PPP1R1C: variants seen among roughly 807,000 people sequenced by gnomAD.
The protein encoded by PPP1R1C is protein phosphatase 1 regulatory subunit 1C.
PPP1R1C carries 15 observed loss-of-function variants against 17.4 expected under a neutral mutation model. That is an observed-to-expected ratio of 0.86 (90% confidence interval 0.58 to 1.33). PPP1R1C has a LOEUF of 1.33. Among genes scored for constraint, PPP1R1C ranks in the 40% most tolerant of loss-of-function variants. The pLI, the probability that PPP1R1C is intolerant of heterozygous loss-of-function variation, is 0.00. For missense variants in PPP1R1C, 143 were observed against 130.0 expected, an observed-to-expected ratio of 1.10 and a Z score of -0.48; for synonymous variants, 35 against 43.1, an observed-to-expected ratio of 0.81 and a Z score of 0.73.
intron 2 of PPP1R1C, among the ~76,000 whole-genome samples, chr2:182,031,811 A>G (rs1208933078): frequency 1.3e-5 from 2 of 152,202 alleles, no homozygotes; most frequent in South Asian, 4.1e-4. Context: ...GAGTAATTCT[A>G]CTACTTAGCC....
chr2:182,051,733 A>G (rs1033783161), intron 2 of PPP1R1C, among the ~76,000 whole-genome samples: 1 of 152,180 alleles, frequency 6.6e-6, no homozygotes, highest in South Asian at 2.1e-4. Context: ...TGACCTCTCT[A>G]TGTTTATTCC....
intron 2 of PPP1R1C, among the ~76,000 whole-genome samples, chr2:182,033,849 C>G (rs948005595): frequency 1.3e-5 from 2 of 152,156 alleles, no homozygotes; most frequent in South Asian, 2.1e-4. Flanking sequence ...CTCATCCTTA[C>G]GCTAAATCGC....
intron 4 of PPP1R1C, among the ~76,000 whole-genome samples, chr2:182,108,672 T>A (rs1689326470): frequency 6.6e-6 from 1 of 152,216 alleles, no homozygotes; most frequent in South Asian, 2.1e-4. Context: ...CCCATCTTAG[T>A]TAATGATTAT....
chr2:182,057,106 T>A (rs1668229923), intron 2 of PPP1R1C, among the ~76,000 whole-genome samples: 1 of 152,198 alleles, frequency 6.6e-6, no homozygotes, highest in African/African-American at 2.4e-5. Flanking sequence ...ATGGTCTGGT[T>A]TTATGAAACA....
chr2:182,068,474 T>G (rs548717359), intron 4 of PPP1R1C, among the ~76,000 whole-genome samples: 1 of 152,182 alleles, frequency 6.6e-6, no homozygotes, highest in African/African-American at 2.4e-5. Flanking sequence ...AAAAGTCGGG[T>G]TTAAGATGCC....
chr2:182,014,221 T>C (rs1373216439), intron 2 of PPP1R1C, among the ~76,000 whole-genome samples: 1 of 152,204 alleles, frequency 6.6e-6, no homozygotes, highest in Non-Finnish European at 1.5e-5. Context: ...AGTGTTGTTA[T>C]CTACCTGGTC....
chr2:181,965,122 T>C (rs1261618028), intron 1 of PPP1R1C, among the ~76,000 whole-genome samples: 1 of 152,270 alleles, frequency 6.6e-6, no homozygotes, highest in Non-Finnish European at 1.5e-5. Context: ...ATTCAGATCT[T>C]TTCTCCATTT....
At chr2:182,045,838 T>C (rs1470616840) in intron 2 of PPP1R1C, among the ~76,000 whole-genome samples, 1 of 152,150 alleles carries the variant, frequency 6.6e-6, no homozygotes, top group Non-Finnish European at 1.5e-5. Context: ...TGAGCAATTC[T>C]GTGATTTGGC....
intron 2 of PPP1R1C, among the ~76,000 whole-genome samples, chr2:182,022,110 A>C (rs1686446007): frequency 6.6e-6 from 1 of 152,246 alleles, no homozygotes; most frequent in Non-Finnish European, 1.5e-5. Context: ...ATTAGTACCT[A>C]GTGTTTACTT....
At chr2:182,130,204 G>A (rs1483068377), downstream of PPP1R1C, 1 of 151,988 alleles carries the variant, frequency 6.6e-6, no homozygotes, top group Non-Finnish European at 1.5e-5. Context: ...TTCACAAATT[G>A]TTCATTATTA....
At chr2:182,072,880 G>A (rs1004809472) in intron 4 of PPP1R1C, among the ~76,000 whole-genome samples, 4 of 152,126 alleles carry the variant, frequency 2.6e-5, no homozygotes, top group African/African-American at 9.7e-5. Flanking sequence ...CCAGACAGCT[G>A]ACCACACAAA....
intron 2 of PPP1R1C, among the ~76,000 whole-genome samples, chr2:182,011,331 G>A (rs183173513): frequency 6.6e-6 from 1 of 151,920 alleles, no homozygotes; most frequent in East Asian, 1.9e-4. Context: ...ATTTCTTCAG[G>A]ACTCTATTTT....
upstream of PPP1R1C, among the ~76,000 whole-genome samples, chr2:181,981,444 G>T (rs1685192983): frequency 6.6e-6 from 1 of 152,158 alleles, no homozygotes; most frequent in Non-Finnish European, 1.5e-5. Context: ...AAATTGCATG[G>T]TTGAACTTAT....
chr2:181,972,650 C>T (rs545282727), intron 1 of PPP1R1C, among the ~76,000 whole-genome samples: 1 of 152,184 alleles, frequency 6.6e-6, no homozygotes, highest in East Asian at 1.9e-4. Flanking sequence ...TGAGTCACTA[C>T]AAGTGACCAT....
intron 4 of PPP1R1C, among the ~76,000 whole-genome samples, chr2:182,096,446 G>A (rs1470169370): frequency 5.3e-5 from 8 of 150,016 alleles, no homozygotes; most frequent in African/African-American, 1.8e-4. Context: ...TTCTGAGTCC[G>A]TACACGGCTT....
chr2:182,128,510 A>G lies in PPP1R1C; in HGVS notation c.*7-464A>G, dbSNP rs1240806939. Among the ~76,000 whole-genome samples, 3 of 152,166 alleles carry G rather than the reference A, an allele frequency of 2.0e-5. 1 individual carries two copies. The highest frequency in any genetic ancestry group is 1.9e-4 in the East Asian group (1 of 5,202). ...GTAAAGGAAAAAAGAAGAGATGAGA[A>G]TAGACAGAAAGCAGCAGTATTATGA... is the stretch of plus-strand genomic sequence containing the variant. On this transcript the variant is annotated intron_variant, in intron 5 of 5. Coordinates refer to the PPP1R1C transcript ENST00000280295.
chr2:182,038,788 G>T (rs1687093245), intron 2 of PPP1R1C, among the ~76,000 whole-genome samples: 1 of 152,226 alleles, frequency 6.6e-6, no homozygotes, highest in Non-Finnish European at 1.5e-5. Flanking sequence ...CCCTCATCAG[G>T]AATGTAGTGC....
At chr2:182,123,952 G>A (rs761179301) in intron 5 of PPP1R1C, among the ~76,000 whole-genome samples, 1 of 152,124 alleles carries the variant, frequency 6.6e-6, no homozygotes, top group Non-Finnish European at 1.5e-5. Context: ...GAATGGTATT[G>A]CCTAGGTTTT....
intron 5 of PPP1R1C, chr2:182,128,909 A>G (rs1689940030): frequency 6.6e-6 from 1 of 152,108 alleles, no homozygotes. Context: ...GATTTACATG[A>G]CATGGTATTA....
Sources: gnomAD v4.1 joint callset for allele counts (sites outside exome capture counted in the v4.1 genomes callset) on GRCh38, gnomAD v4.1.1 for gene constraint, MANE v1.5 for transcripts, NCBI Gene and HGNC (gene_info 2026-07-23, HGNC 2026-07-21) for gene names.